Variants in ALDH1A2 observed in about 807,000 individuals in gnomAD.
ALDH1A2 encodes aldehyde dehydrogenase 1 family member A2, also known as retinal dehydrogenase 2.
In ALDH1A2, 27 loss-of-function variants were observed where a neutral mutation model predicts 60.3. That is an observed-to-expected ratio of 0.45 (90% CI 0.33 to 0.62). The LOEUF is 0.62. Among genes scored for constraint, ALDH1A2 ranks in the 20% least tolerant of loss-of-function variants. The pLI, the probability that ALDH1A2 is intolerant of heterozygous loss-of-function variation, is 0.02. For synonymous variants in ALDH1A2, 289 were observed against 232.4 expected, an observed-to-expected ratio of 1.24 and a Z score of -2.21; for missense variants, 581 against 643.8, an observed-to-expected ratio of 0.90 and a Z score of 1.06.
At chr15:57,960,725 T>C in intron 12 of ALDH1A2, 45 bp downstream of exon 12, 1 of 1,507,844 alleles carries the variant, frequency 6.6e-7, no homozygotes, top group African/African-American at 1.4e-5. Flanking sequence ...TGTGCTGATA[T>C]TTGCAATCTA....
At chr15:58,062,955 A>C (rs1897081065) in intron 1 of ALDH1A2, among the ~76,000 whole-genome samples, 1 of 152,112 alleles carries the variant, frequency 6.6e-6, no homozygotes, top group Non-Finnish European at 1.5e-5. Flanking sequence ...TTTCCACTGG[A>C]CCTCTAGCAG....
intron 1 of ALDH1A2, among the ~76,000 whole-genome samples, chr15:58,018,070 C>G (rs1313050064): frequency 1.3e-5 from 2 of 152,066 alleles, no homozygotes; most frequent in Non-Finnish European, 2.9e-5. Flanking sequence ...TAGCATTATT[C>G]CCTGACCAGG....
chr15:58,045,576 G>T (rs1223182584), intron 1 of ALDH1A2, among the ~76,000 whole-genome samples: 1 of 152,084 alleles, frequency 6.6e-6, no homozygotes, highest in Non-Finnish European at 1.5e-5. Flanking sequence ...AAAAAAGGAT[G>T]AGTTCATGTC....
chr15:58,028,230 A>T (rs1896132692), intron 1 of ALDH1A2, among the ~76,000 whole-genome samples: 1 of 152,230 alleles, frequency 6.6e-6, no homozygotes, highest in Admixed American at 6.5e-5. Flanking sequence ...GCCAGAAGAG[A>T]GTGGGGGCCA....
chr15:58,029,719 C>G (rs1896180076), intron 1 of ALDH1A2, among the ~76,000 whole-genome samples: 1 of 152,074 alleles, frequency 6.6e-6, no homozygotes, highest in Non-Finnish European at 1.5e-5. Flanking sequence ...ACCACCGATT[C>G]CACAGAAATA....
At chr15:58,033,441 C>A (rs528491917) in intron 1 of ALDH1A2, among the ~76,000 whole-genome samples, 3 of 151,798 alleles carry the variant, frequency 2.0e-5, no homozygotes, top group Admixed American at 6.6e-5. Context: ...AAGTTGCACA[C>A]TGTATTTTTT....
chr15:58,051,568 C>T (rs1275420731), intron 1 of ALDH1A2, among the ~76,000 whole-genome samples: 7 of 152,004 alleles, frequency 4.6e-5, no homozygotes, highest in Admixed American at 2.0e-4. Context: ...CCACTTGACC[C>T]GGAATTCCTC....
chr15:57,960,134 C>T (rs1344672045), intron 12 of ALDH1A2, among the ~76,000 whole-genome samples: 3 of 152,130 alleles, frequency 2.0e-5, no homozygotes, highest in African/African-American at 4.8e-5. Context: ...GTCTTTTCTG[C>T]GATTCCTCTG....
At chr15:57,989,939 G>A (rs1260802438) in intron 7 of ALDH1A2, among the ~76,000 whole-genome samples, 3 of 54,636 alleles carry the variant, frequency 5.5e-5, no homozygotes, top group Admixed American at 1.6e-4. Flanking sequence ...CTTGCAGTGA[G>A]CCGAGATTGC....
chr15:58,040,315 G>T (rs1246386914), intron 1 of ALDH1A2, among the ~76,000 whole-genome samples: 6 of 151,836 alleles, frequency 4.0e-5, no homozygotes, highest in Non-Finnish European at 7.4e-5. Flanking sequence ...TGTGCTAATA[G>T]AACACGTTTA....
intron 1 of ALDH1A2, among the ~76,000 whole-genome samples, chr15:58,025,783 C>T (rs1482823837): frequency 1.3e-5 from 2 of 152,198 alleles, no homozygotes; most frequent in Non-Finnish European, 2.9e-5. Flanking sequence ...AGCTTACAAT[C>T]ACGGCAGAAT....
chr15:58,065,694 G>T lies in ALDH1A2; in HGVS notation c.-44C>A, dbSNP rs756127469. 31 of 1,389,316 alleles carry T rather than the reference G, an allele frequency of 2.2e-5. No homozygotes were observed. In the Middle Eastern group the frequency reaches 1.4e-3, roughly 61 times the overall value. The allele number at this position is 1,389,316 out of a possible 1,614,324, so 86.1% of individuals were successfully genotyped here. On this transcript the variant is annotated 5_prime_UTR_variant, in exon 1 of 13. Transcript: ENST00000249750. Reference sequence around the variant, plus strand: ...CCTAGCCCGCGGCGTGGGGCAGTGCGGGCTGTGCGCGCGGTCCGCGGCCCG... The same window carrying T: ...CCTAGCCCGCGGCGTGGGGCAGTGCTGGCTGTGCGCGCGGTCCGCGGCCCG...
intron 1 of ALDH1A2, among the ~76,000 whole-genome samples, chr15:58,017,416 A>G (rs1219373229): frequency 6.6e-6 from 1 of 152,208 alleles, no homozygotes; most frequent in Non-Finnish European, 1.5e-5. Flanking sequence ...TCTGATTGAC[A>G]TTTATAAAAG....
chr15:57,982,611 CTT>C (rs1340816690), intron 7 of ALDH1A2, among the ~76,000 whole-genome samples: 3 of 152,104 alleles, frequency 2.0e-5, no homozygotes, highest in Admixed American at 6.5e-5. Flanking sequence ...ATGGGTTGGT[CTT>C]TGTTGATAAT....
intron 4 of ALDH1A2, among the ~76,000 whole-genome samples, chr15:57,997,025 T>C (rs1895086919): frequency 6.6e-6 from 1 of 152,066 alleles, no homozygotes; most frequent in East Asian, 1.9e-4. Context: ...TTCCCCAATC[T>C]GCTACTTATC....
At chr15:58,059,842 C>A (rs1566963940) in intron 1 of ALDH1A2, among the ~76,000 whole-genome samples, 1 of 152,080 alleles carries the variant, frequency 6.6e-6, no homozygotes, top group Non-Finnish European at 1.5e-5. Flanking sequence ...ATATTGAACT[C>A]TTATGAGTAA....
At chr15:58,052,645 C>A (rs1896804923) in intron 1 of ALDH1A2, among the ~76,000 whole-genome samples, 1 of 151,978 alleles carries the variant, frequency 6.6e-6, no homozygotes, top group African/African-American at 2.4e-5. Context: ...AATAAATGAT[C>A]AAGTTATTTT....
intron 7 of ALDH1A2, among the ~76,000 whole-genome samples, chr15:57,971,539 A>C (rs1184129074): frequency 1.3e-5 from 2 of 151,138 alleles, no homozygotes; most frequent in African/African-American, 4.9e-5. Context: ...AATCCTCCCA[A>C]CTCAGCCTGA....
At chr15:58,006,036 T>A (rs1595661494) in intron 4 of ALDH1A2, among the ~76,000 whole-genome samples, 1 of 142,934 alleles carries the variant, frequency 7.0e-6, no homozygotes. Flanking sequence ...TTTTTTTTTT[T>A]ATTTCAATAG....
Sources: gnomAD v4.1 joint callset for allele counts (sites outside exome capture counted in the v4.1 genomes callset) on GRCh38, gnomAD v4.1.1 for gene constraint, MANE v1.5 for transcripts, NCBI Gene and HGNC (gene_info 2026-07-23, HGNC 2026-07-21) for gene names.